Variants in EIF4G3 observed in about 807,000 individuals in gnomAD.
EIF4G3 encodes the protein eIF-4-gamma 3.
Under a neutral mutation model 186.4 loss-of-function variants are expected in EIF4G3, and 34 were observed. The observed-to-expected ratio is 0.18, with a 90% CI of 0.14 to 0.24. The LOEUF (loss-of-function observed/expected upper bound fraction) is 0.24. Among genes scored for constraint, EIF4G3 ranks in the 10% least tolerant of loss-of-function variants. The pLI is 1.00. For missense variants in EIF4G3, 1,536 were observed against 1,948.5 expected (o/e 0.79, Z 3.99); for synonymous variants, 673 against 679.5 (o/e 0.99, Z 0.15).
Position 21,063,760 on chromosome 1 carries a change from A to G in EIF4G3, c.-195-12766T>C, listed in dbSNP as rs569676964. ...AGTCTCACTCTGTTGCCCAGACTGG[A>G]GTGCAGTGGTGCAATCTTGGCTCAC... On this transcript the variant is annotated intron_variant, in intron 3 of 36. Coordinates refer to ENST00000602326, the MANE Select transcript of EIF4G3 (RefSeq NM_001391906.1). 5.9e-3 allele frequency among the ~76,000 whole-genome samples: 852 copies of G among 144,602 alleles called. 3 individuals are homozygous for G. Among genetic ancestry groups the G allele is most frequent in the Non-Finnish European group, 0.01 (685 of 66,670 alleles). 94.9% of individuals were successfully genotyped at this position (144,602 alleles called of 152,430 possible). A position where few individuals can be genotyped will look rare whatever the true frequency, so the allele number is the denominator to read the frequency against.
At chr1:20,935,559 A>G (rs923086349) in intron 14 of EIF4G3, among the ~76,000 whole-genome samples, 2 of 152,086 alleles carry the variant, frequency 1.3e-5, no homozygotes, top group African/African-American at 4.8e-5. Flanking sequence ...TTAATTCTAA[A>G]TTTTTAAGGA....
chr1:20,978,996 G>A (rs938314000), intron 10 of EIF4G3, among the ~76,000 whole-genome samples: 3 of 151,892 alleles, frequency 2.0e-5, no homozygotes, highest in South Asian at 2.1e-4. Context: ...TAGGAAACTG[G>A]TTAATGGATA....
Position 21,091,860 on chromosome 1 carries a change from T to C in EIF4G3, c.-271-2647A>G, listed in dbSNP as rs868645833. ...TTGATTTTGTATCCTGAGACTTTGC[T>C]GAAGTTGCTTATTAGTTTAAGGAGA... On this transcript the variant is annotated intron_variant, in intron 2 of 36. Transcript: ENST00000602326. Among the ~76,000 whole-genome samples the C allele has an allele frequency of 3.9e-5, 6 of 152,244 alleles. No homozygotes were observed. In the South Asian group the frequency reaches 8.3e-4, roughly 21 times the overall value.
chr1:21,176,674 C>A, intron 1 of EIF4G3, 48 bp downstream of exon 1: 1 of 567,932 alleles, frequency 1.8e-6, no homozygotes, highest in Non-Finnish European at 3.2e-6. Flanking sequence ...AACGCGACCC[C>A]AGGGGGGGGG....
chr1:20,998,674 T>C (rs2082826883), intron 6 of EIF4G3, among the ~76,000 whole-genome samples: 2 of 152,180 alleles, frequency 1.3e-5, no homozygotes, highest in African/African-American at 4.8e-5. Flanking sequence ...TATTGGGGTA[T>C]GTAGAGCCAT....
chr1:20,820,848 A>T (rs570486036), intron 33 of EIF4G3, among the ~76,000 whole-genome samples: 10 of 151,962 alleles, frequency 6.6e-5, no homozygotes, highest in Non-Finnish European at 1.5e-4. Context: ...AGAGCTTCAG[A>T]GACCTGCAGA....
chr1:20,909,580 A>G (rs2092843531), intron 14 of EIF4G3, among the ~76,000 whole-genome samples: 1 of 152,048 alleles, frequency 6.6e-6, no homozygotes, highest in Admixed American at 6.6e-5. Flanking sequence ...ATTTTGGGTT[A>G]TTTTATTTCC....
In EIF4G3 at chr1:20,941,498, A is replaced by C; in HGVS notation, c.1656T>G (p.Pro552=). Residue 552 remains proline (P), a synonymous_variant, in exon 14 of 37, where the codon CCT becomes CCG. Coordinates refer to ENST00000602326, the MANE Select transcript of EIF4G3 (RefSeq NM_001391906.1). The part of the protein sequence containing the change: ...DSQNLNSRRS[P]VPAQIAITVP... ...AATGGCAGAATGGCTTACCTGGGAC[A>C]GGGCTCCTTCTTGAATTTAAGTTTT... 5 of 1,608,892 alleles carry C rather than the reference A, an allele frequency of 3.1e-6. No homozygotes were observed. The highest frequency in any genetic ancestry group is 4.2e-6 in the Non-Finnish European group (5 of 1,177,474).
chr1:20,811,080 G>T (rs1384373471), intron 35 of EIF4G3, among the ~76,000 whole-genome samples, 196 bp from the exon 36 acceptor site: 1 of 152,096 alleles, frequency 6.6e-6, no homozygotes. Context: ...CTCCCAAGTT[G>T]TTGGGACTAC....
Position 20,865,037 on chromosome 1 carries a change from T to C in EIF4G3, c.2769+79A>G, listed in dbSNP as rs1171093515. ...GGTCCCTCTTAAGGTAGCAGGGAGA[T>C]GCTGTATCTAGCTTCCTGAAATTTC... On this transcript the variant is annotated intron_variant, in intron 21 of 36. Coordinates refer to ENST00000602326, the MANE Select transcript of EIF4G3 (RefSeq NM_001391906.1). 3.3e-6 allele frequency: 5 copies of C among 1,513,648 alleles called. No homozygotes were observed. The African/African-American group carries it at 4.2e-5, about 13-fold the overall frequency. 93.8% of individuals were successfully genotyped at this position (1,513,648 alleles called of 1,614,324 possible). A position where few individuals can be genotyped will look rare whatever the true frequency, so the allele number is the denominator to read the frequency against.
chr1:21,013,202 A>G (rs2087733645), intron 4 of EIF4G3, among the ~76,000 whole-genome samples: 1 of 152,144 alleles, frequency 6.6e-6, no homozygotes, highest in Non-Finnish European at 1.5e-5. Flanking sequence ...TTTCAACCAG[A>G]CGCAAACTCT....
intron 12 of EIF4G3, among the ~76,000 whole-genome samples, chr1:20,953,968 G>C (rs914850116): frequency 6.6e-6 from 1 of 152,212 alleles, no homozygotes; most frequent in African/African-American, 2.4e-5. Context: ...GAATCGAAGA[G>C]TGCTAAAAGA....
At chr1:20,967,834 T>C (rs1439439589) in intron 12 of EIF4G3, among the ~76,000 whole-genome samples, 3 of 152,240 alleles carry the variant, frequency 2.0e-5, no homozygotes, top group Non-Finnish European at 4.4e-5. Context: ...ATCATCCATA[T>C]CACTTGTCTG....
rs2075395870 is a variant in EIF4G3, at chr1:20,969,521, G to A, written c.667C>T (p.Pro223Ser). 1 of 1,613,902 alleles carries A rather than the reference G, an allele frequency of 6.2e-7. No individual in the cohort carries two copies. The highest frequency in any genetic ancestry group is 8.5e-7 in the Non-Finnish European group (1 of 1,179,890). The change falls in exon 12 of 37, where the codon CCT (proline) becomes TCT (serine). Residue 223 changes from proline (P) to serine (S), a missense_variant. Around this residue, in one of 11 missense-constraint regions of EIF4G3, gnomAD observed 560 missense variants for 547.8 expected, o/e 1.02. Transcript: ENST00000602326. ...GTGGGTCTTCCTATGGGTGGAGTAG[G>A]ATTTCTGCTGCCACCTCCAGACATA... The part of the protein sequence containing the change: ...EIMSGGGSRN[P>S]TPPIGRPTST...
chr1:21,027,292 A>G (rs2092263608), intron 4 of EIF4G3, among the ~76,000 whole-genome samples: 1 of 149,514 alleles, frequency 6.7e-6, no homozygotes, highest in Non-Finnish European at 1.5e-5. Flanking sequence ...TCCCGGGTTC[A>G]AGTGATTCTC....
chr1:21,060,110 C>G (rs573589409), intron 3 of EIF4G3, among the ~76,000 whole-genome samples: 1 of 152,156 alleles, frequency 6.6e-6, no homozygotes, highest in Non-Finnish European at 1.5e-5. Context: ...CACTACCATG[C>G]CCGGCTAATT....
At chr1:21,010,354 A>C (rs1408245073) in intron 4 of EIF4G3, among the ~76,000 whole-genome samples, 1 of 148,564 alleles carries the variant, frequency 6.7e-6, no homozygotes, top group East Asian at 2.1e-4. Flanking sequence ...CAGGAGGCGA[A>C]GGTTGCAGTA....
intron 12 of EIF4G3, among the ~76,000 whole-genome samples, chr1:20,957,562 C>A (rs2096463756): frequency 1.4e-5 from 2 of 145,398 alleles, no homozygotes; most frequent in African/African-American, 2.5e-5. Context: ...TGCAGCAAAA[C>A]TAAATGAAAT....
intron 10 of EIF4G3, among the ~76,000 whole-genome samples, chr1:20,974,104 A>G (rs980793796): frequency 2.0e-5 from 3 of 152,202 alleles, no homozygotes; most frequent in Admixed American, 1.3e-4. Context: ...AGAAAAATCA[A>G]GAGTTCAGTT....
Sources: gnomAD v4.1 joint callset for allele counts (sites outside exome capture counted in the v4.1 genomes callset) on GRCh38, gnomAD v4.1.1 for gene constraint, gnomAD v4.1.1 regional missense constraint, MANE v1.5 for transcripts, NCBI Gene and HGNC (gene_info 2026-07-23, HGNC 2026-07-21) for gene names.